Variants in TNKS observed in about 807,000 individuals in gnomAD.
TNKS encodes the protein tankyrase, also known as poly [ADP-ribose] polymerase tankyrase-1.
A neutral mutation model predicts 135.8 loss-of-function variants in TNKS; 72 were observed. That is an observed-to-expected ratio of 0.53 (90% CI 0.44 to 0.64). TNKS has a LOEUF of 0.64. Ranked by LOEUF, TNKS falls within the 30% of genes least tolerant of loss-of-function variation. The pLI is 0.00. For synonymous variants in TNKS, 849 were observed against 649.3 expected (o/e 1.31, Z -4.68); for missense variants, 1,769 against 1,674.0 (o/e 1.06, Z -0.99).
At chr8:9,695,532 C>G (rs1369894031) in intron 5 of TNKS, among the ~76,000 whole-genome samples, 1 of 152,046 alleles carries the variant, frequency 6.6e-6, no homozygotes, top group Non-Finnish European at 1.5e-5. Flanking sequence ...ATTTTAAACA[C>G]TTCAGTTTCT....
chr8:9,715,608 G>A (rs895897226), intron 11 of TNKS, among the ~76,000 whole-genome samples: 4 of 152,220 alleles, frequency 2.6e-5, no homozygotes, highest in African/African-American at 9.6e-5. Flanking sequence ...CTGTTGATGT[G>A]GTTCATACAA....
chr8:9,604,581 T>C (rs1053723847), intron 2 of TNKS, among the ~76,000 whole-genome samples: 1 of 151,932 alleles, frequency 6.6e-6, no homozygotes, highest in South Asian at 2.1e-4. Flanking sequence ...CTTGCATGCT[T>C]TCTCTTGAGT....
At chr8:9,682,739 C>T (rs987153196) in intron 5 of TNKS, among the ~76,000 whole-genome samples, 2 of 151,924 alleles carry the variant, frequency 1.3e-5, no homozygotes, top group Admixed American at 6.6e-5. Context: ...AAAACATCTA[C>T]CCTTTGCCAT....
chr8:9,760,961 T>G (rs932987693), intron 20 of TNKS, among the ~76,000 whole-genome samples: 2 of 152,268 alleles, frequency 1.3e-5, no homozygotes, highest in African/African-American at 4.8e-5. Context: ...GTTTGTAATC[T>G]AACCAAATAC....
chr8:9,592,026 A>G (rs1328704807), intron 2 of TNKS, among the ~76,000 whole-genome samples: 30 of 152,226 alleles, frequency 2.0e-4, no homozygotes. Context: ...AAACTTGAAT[A>G]TATTATAGGA....
chr8:9,776,587 C>T (rs1288949167), intron 26 of TNKS, 63 bp from the exon 27 acceptor site: 5 of 1,493,710 alleles, frequency 3.3e-6, no homozygotes, highest in South Asian at 1.1e-5. Context: ...CTTCCACATT[C>T]GGCAAGGCTT....
intron 18 of TNKS, among the ~76,000 whole-genome samples, chr8:9,750,238 G>T (rs1207587523): frequency 6.6e-6 from 1 of 152,182 alleles, no homozygotes; most frequent in Non-Finnish European, 1.5e-5. Flanking sequence ...CGCTGGATTT[G>T]ACCTTTGGCC....
chr8:9,608,909 A>G (rs956254586), intron 2 of TNKS, among the ~76,000 whole-genome samples: 1 of 152,164 alleles, frequency 6.6e-6, no homozygotes, highest in Non-Finnish European at 1.5e-5. Context: ...TAGTTGCTTC[A>G]TCTATTTTCT....
At chr8:9,768,701 G>T (rs1395405691) in intron 25 of TNKS, among the ~76,000 whole-genome samples, 1 of 152,244 alleles carries the variant, frequency 6.6e-6, no homozygotes, top group African/African-American at 2.4e-5. Context: ...TGTGACGTAA[G>T]AGACTAGCAG....
At chr8:9,712,902 T>C (rs1324650714) in intron 11 of TNKS, among the ~76,000 whole-genome samples, 1 of 152,148 alleles carries the variant, frequency 6.6e-6, no homozygotes, top group African/African-American at 2.4e-5. Flanking sequence ...AAAATAATAA[T>C]CATGAAATCT....
At chr8:9,628,007 T>G (rs1014283501) in intron 3 of TNKS, among the ~76,000 whole-genome samples, 3 of 152,192 alleles carry the variant, frequency 2.0e-5, no homozygotes, top group Admixed American at 6.5e-5. Context: ...ACATCCTGCT[T>G]CTTTCTAAGG....
intron 3 of TNKS, among the ~76,000 whole-genome samples, chr8:9,673,771 G>A (rs531070978): frequency 5.9e-5 from 9 of 152,152 alleles, no homozygotes; most frequent in African/African-American, 2.2e-4. Context: ...CTGCTATGCA[G>A]GGGTCGGGGG....
intron 3 of TNKS, among the ~76,000 whole-genome samples, chr8:9,657,226 CGGGGCGGCTGGCCGGGCGGGGGGCCG>C (rs1801423699): frequency 8.2e-6 from 1 of 121,862 alleles, no homozygotes; most frequent in Admixed American, 8.0e-5. Flanking sequence ...ACCTCCCGGA[CGGGGCGGCTGGCCGGGCGGGGGGCCG>C]ACCCCCCCAC....
At chr8:9,674,419 T>C (rs1563159707) in intron 3 of TNKS, among the ~76,000 whole-genome samples, 1 of 152,178 alleles carries the variant, frequency 6.6e-6, no homozygotes, top group Non-Finnish European at 1.5e-5. Context: ...AAAAAGCTTA[T>C]GTTTTGGTAG....
At position 9,752,641 on chromosome 8, in the gene TNKS, A is replaced by G. The variant is rs757588045; in HGVS notation, c.3153+15A>G. 14 of 1,552,032 alleles carry G rather than the reference A, an allele frequency of 9.0e-6. No homozygotes were observed. The highest frequency in any genetic ancestry group is 1.2e-5 in the Non-Finnish European group (14 of 1,127,242). ...AAACAGAACAGGTAAATACTCTTGT[A>G]TATATTTGAGTCATTTAAATTAAAT... On this transcript the variant is annotated intron_variant, in intron 20 of 26. Coordinates refer to ENST00000310430, the MANE Select transcript of TNKS (RefSeq NM_003747.3).
In TNKS at chr8:9,576,355, G is replaced by A. The variant is rs915801999; in HGVS notation, c.674-3804G>A. Among the ~76,000 whole-genome samples, 13 of 152,102 alleles carry A rather than the reference G, an allele frequency of 8.5e-5. 1 individual carries two copies. The highest frequency in any genetic ancestry group is 4.4e-5 in the Non-Finnish European group (3 of 68,020). Reference sequence around the variant, plus strand: ...GTTCTGCAGGCTGTACAGGAAACATGGGTGGGAGGAGGCCTCAGGATATTT... The same window carrying A: ...GTTCTGCAGGCTGTACAGGAAACATAGGTGGGAGGAGGCCTCAGGATATTT... On this transcript the variant is annotated intron_variant, in intron 1 of 26. Coordinates refer to ENST00000310430, the MANE Select transcript of TNKS (RefSeq NM_003747.3).
chr8:9,751,018 C>G (rs1806496515), intron 18 of TNKS, among the ~76,000 whole-genome samples: 2 of 152,206 alleles, frequency 1.3e-5, no homozygotes, highest in African/African-American at 4.8e-5. Context: ...CACTTCTTCT[C>G]CATTCTATTG....
At chr8:9,690,864 G>A (rs1476820972) in intron 5 of TNKS, among the ~76,000 whole-genome samples, 1 of 152,050 alleles carries the variant, frequency 6.6e-6, no homozygotes, top group Non-Finnish European at 1.5e-5. Context: ...AATATCAATT[G>A]CTATTTTATC....
At chr8:9,556,782 G>T in intron 1 of TNKS, 170 bp downstream of exon 1, 1 of 627,638 alleles carries the variant, frequency 1.6e-6, no homozygotes, top group South Asian at 2.0e-5. Flanking sequence ...CTGGGTGATG[G>T]GGGCGTGGTT....
Sources: allele counts gnomAD v4.1 joint callset (sites outside exome capture counted in the v4.1 genomes callset), GRCh38; gene constraint gnomAD v4.1.1; transcripts MANE v1.5; gene names NCBI Gene and HGNC (gene_info 2026-07-23, HGNC 2026-07-21).